The following SHANK2 variants were observed in gnomAD, a reference collection of about 807,000 sequenced individuals.
SHANK2 encodes SH3 and multiple ankyrin repeat domains protein 2.
A neutral mutation model predicts 133.7 loss-of-function variants in SHANK2; 43 were observed. The ratio of observed to expected loss-of-function variants is 0.32; its 90% confidence interval spans 0.25 to 0.41. The LOEUF is 0.41. Among genes scored for constraint, SHANK2 ranks in the 10% least tolerant of loss-of-function variants. The probability of loss-of-function intolerance (pLI) is 1.00; values close to 1 mark genes in which losing one functional copy is unlikely to be tolerated. For synonymous variants in SHANK2, 1,017 were observed against 952.8 expected (o/e 1.07, Z -1.24); for missense variants, 1,994 against 2,235.8 (o/e 0.89, Z 2.18).
At chr11:70,755,566 G>A (rs1796847036) in intron 14 of SHANK2, among the ~76,000 whole-genome samples, 1 of 152,240 alleles carries the variant, frequency 6.6e-6, no homozygotes, top group South Asian at 2.1e-4. Flanking sequence ...GCCCCGGCCT[G>A]CAGTGGTGGC....
intron 3 of SHANK2, among the ~76,000 whole-genome samples, chr11:71,129,481 G>A: frequency 6.6e-6 from 1 of 152,120 alleles, no homozygotes; most frequent in Non-Finnish European, 1.5e-5. Flanking sequence ...TACGAAAAAT[G>A]AAAATTTTTA....
chr11:70,793,188 G>A (rs1947832600), intron 14 of SHANK2, among the ~76,000 whole-genome samples: 1 of 152,234 alleles, frequency 6.6e-6, no homozygotes, highest in Admixed American at 6.5e-5. Context: ...GGTTTGAACT[G>A]CATGGGTCAA....
At chr11:70,880,525 T>G (rs1225952212) in intron 11 of SHANK2, among the ~76,000 whole-genome samples, 2 of 152,174 alleles carry the variant, frequency 1.3e-5, no homozygotes, top group Non-Finnish European at 2.9e-5. Flanking sequence ...AATTAGGAGC[T>G]TCTGAGACTT....
intron 3 of SHANK2, among the ~76,000 whole-genome samples, chr11:71,144,795 T>C (rs1555106397): frequency 2.0e-5 from 3 of 152,330 alleles, no homozygotes; most frequent in Non-Finnish European, 4.4e-5. Flanking sequence ...AGCATTTCCT[T>C]CACCATCTTT....
At chr11:70,911,027 C>T (rs1950183708) in intron 10 of SHANK2, 3 of 457,088 alleles carry the variant, frequency 6.6e-6, no homozygotes, top group South Asian at 4.6e-5. Context: ...GAAGGGGGTG[C>T]TCCTGTAAGT....
At chr11:70,549,779 C>G (rs1468524844) in intron 17 of SHANK2, among the ~76,000 whole-genome samples, 2 of 152,230 alleles carry the variant, frequency 1.3e-5, no homozygotes, top group African/African-American at 4.8e-5. Flanking sequence ...ACAGTTAACA[C>G]CGACACAGGT....
intron 14 of SHANK2, among the ~76,000 whole-genome samples, chr11:70,773,814 A>G (rs1158532644): frequency 6.6e-6 from 1 of 152,206 alleles, no homozygotes; most frequent in East Asian, 1.9e-4. Flanking sequence ...AACGATAACA[A>G]CAAACCAGAT....
At chr11:71,065,265 A>G (rs1335820393) in intron 9 of SHANK2, among the ~76,000 whole-genome samples, 1 of 151,182 alleles carries the variant, frequency 6.6e-6, no homozygotes, top group Non-Finnish European at 1.5e-5. Flanking sequence ...GAACTCTTCC[A>G]GGGAGATAAA....
At position 70,472,846 on chromosome 11, in the gene SHANK2, T is replaced by G; in HGVS notation, c.*23A>C. ...ATCTCTACTTATAACAAGAGCAGTC[T>G]GCGAGGTGGAGAGCAGCCGTCCTTA... is the stretch of plus-strand genomic sequence containing the variant. On this transcript the variant is annotated 3_prime_UTR_variant, in exon 26 of 26. Coordinates refer to ENST00000601538, the MANE Select transcript of SHANK2 (RefSeq NM_012309.5). The surrounding 1 kb of genome is among the most constrained non-coding windows in gnomAD (Gnocchi z 4.4). The G allele has an allele frequency of 6.2e-7, 1 of 1,609,910 alleles. No individual in the cohort carries two copies. Among genetic ancestry groups the G allele is most frequent in the Non-Finnish European group, 8.5e-7 (1 of 1,176,128 alleles).
chr11:70,593,734 C>T (rs4980619), intron 17 of SHANK2, among the ~76,000 whole-genome samples: 79,663 of 151,992 alleles, frequency 0.52, 21,335 homozygotes, highest in African/African-American at 0.64. Context: ...TGTGGGCAAA[C>T]GGAGTGTCCA....
intron 11 of SHANK2, among the ~76,000 whole-genome samples, chr11:70,834,656 A>G (rs1555059525): frequency 6.6e-6 from 1 of 152,246 alleles, no homozygotes. Context: ...TCTCACAATA[A>G]TTGTTAAATG....
At chr11:70,596,246 G>C (rs1455075009) in intron 17 of SHANK2, among the ~76,000 whole-genome samples, 2 of 152,214 alleles carry the variant, frequency 1.3e-5, no homozygotes, top group Non-Finnish European at 1.5e-5. Flanking sequence ...GGCTGGGCCA[G>C]AGCCCGGACG....
chr11:70,898,697 A>T (rs1047635589), intron 10 of SHANK2, among the ~76,000 whole-genome samples: 1 of 152,230 alleles, frequency 6.6e-6, no homozygotes, highest in African/African-American at 2.4e-5. Context: ...GTAAAATGCA[A>T]AAGGAGAGAA....
Position 71,213,929 on chromosome 11 carries a change from A to G in SHANK2, c.-13+10768T>C, listed in dbSNP as rs565627191. Among the ~76,000 whole-genome samples, 455 of 152,218 alleles carry G rather than the reference A, an allele frequency of 3.0e-3. 2 individuals are homozygous for G. Among genetic ancestry groups the G allele is most frequent in the African/African-American group, 0.01 (435 of 41,544 alleles). On this transcript the variant is annotated intron_variant, in intron 2 of 25. Coordinates refer to ENST00000601538, the MANE Select transcript of SHANK2 (RefSeq NM_012309.5). ...AAGTGGCTTCCTTGGGCCATTTACC[A>G]TGCACTCGCATGCACAAGCCAACCA...
intron 2 of SHANK2, among the ~76,000 whole-genome samples, chr11:71,207,345 A>G (rs1368862437): frequency 3.9e-5 from 6 of 152,020 alleles, no homozygotes; most frequent in African/African-American, 1.4e-4. Flanking sequence ...ACACCCAGCT[A>G]ATTTTTGTAT....
intron 15 of SHANK2, among the ~76,000 whole-genome samples, 191 bp downstream of exon 15, chr11:70,698,497 G>A (rs1555022829): frequency 6.6e-6 from 1 of 152,224 alleles, no homozygotes; most frequent in East Asian, 1.9e-4. Flanking sequence ...ACAAACCAAA[G>A]GTGGCACCAA....
intron 17 of SHANK2, among the ~76,000 whole-genome samples, chr11:70,562,688 C>A (rs1238835850): frequency 2.0e-5 from 3 of 152,086 alleles, no homozygotes; most frequent in African/African-American, 7.2e-5. Context: ...TGGAGGTGAG[C>A]ATTTATTCAA....
chr11:70,544,575 C>T (rs1554975862), intron 17 of SHANK2, among the ~76,000 whole-genome samples: 1 of 152,208 alleles, frequency 6.6e-6, no homozygotes, highest in African/African-American at 2.4e-5. Flanking sequence ...CAGGAGGGGC[C>T]ACCCCGCCCT....
chr11:70,703,007 C>T (rs192940550), intron 14 of SHANK2, among the ~76,000 whole-genome samples: 3 of 152,346 alleles, frequency 2.0e-5, no homozygotes, highest in African/African-American at 4.8e-5. Context: ...CTAATGCTGT[C>T]GTGGTCATAC....
Sources: gnomAD v4.1 joint callset for allele counts (sites outside exome capture counted in the v4.1 genomes callset) on GRCh38, gnomAD v4.1.1 for gene constraint, Gnocchi (gnomAD v3.1) non-coding constraint, MANE v1.5 for transcripts, NCBI Gene and HGNC (gene_info 2026-07-23, HGNC 2026-07-21) for gene names.